ALK: variants seen among roughly 807,000 people sequenced by gnomAD.
ALK encodes ALK tyrosine kinase receptor.
In ALK, 74 loss-of-function variants were observed where a neutral mutation model predicts 163.1. The ratio of observed to expected loss-of-function variants is 0.45; its 90% CI spans 0.38 to 0.55. The LOEUF is 0.55. Among genes scored for constraint, ALK ranks in the 20% least tolerant of loss-of-function variants. ALK has a pLI of 0.00. For synonymous variants in ALK, 960 were observed against 843.2 expected, an observed-to-expected ratio of 1.14 and a Z score of -2.40; for missense variants, 2,063 against 2,105.3, an observed-to-expected ratio of 0.98 and a Z score of 0.39.
chr2:29,715,839 T>A (rs765547439), intron 2 of ALK, among the ~76,000 whole-genome samples: 6 of 152,204 alleles, frequency 3.9e-5, no homozygotes, highest in Non-Finnish European at 5.9e-5. Context: ...TTAAATAAAA[T>A]CAGGAAGTAA....
At chr2:29,272,039 C>A (rs993490169) in intron 11 of ALK, among the ~76,000 whole-genome samples, 1 of 152,176 alleles carries the variant, frequency 6.6e-6, no homozygotes. Context: ...GCCTGCTTGT[C>A]CCAATCTGGG....
At chr2:29,362,545 G>A (rs1194657495) in intron 5 of ALK, among the ~76,000 whole-genome samples, 1 of 152,170 alleles carries the variant, frequency 6.6e-6, no homozygotes, top group Non-Finnish European at 1.5e-5. Flanking sequence ...GTTTGGAGAG[G>A]TGTCATGGAG....
At chr2:29,535,578 G>A (rs539664031) in intron 3 of ALK, among the ~76,000 whole-genome samples, 4 of 152,216 alleles carry the variant, frequency 2.6e-5, no homozygotes, top group Non-Finnish European at 5.9e-5. Context: ...AGGCAGTACT[G>A]TGCCTGCTCA....
rs1265006535 is a variant in ALK, at chr2:29,694,980, C to T, written c.822G>A (p.Leu274=). 3.7e-6 allele frequency: 6 copies of T among 1,614,048 alleles called. No individual in the cohort carries two copies. The highest frequency in any genetic ancestry group is 5.1e-6 in the Non-Finnish European group (6 of 1,179,966). ...GGTCATGCAGTGGAGGGGAATACTC[C>T]AGCTCACAGGGGAAGTCAAAGCTGC... ...LECSFDFPCE[L]EYSPPLHDLR... Residue 274 remains leucine, a synonymous_variant, in exon 3 of 29, where the codon CTG becomes CTA. Transcript: ENST00000389048.
At chr2:29,593,116 G>A (rs1312452675) in intron 3 of ALK, among the ~76,000 whole-genome samples, 1 of 152,204 alleles carries the variant, frequency 6.6e-6, no homozygotes, top group Non-Finnish European at 1.5e-5. Context: ...TGGGCCTCAC[G>A]AGTTCAGACA....
chr2:29,235,856 CTTTTTTTTTTTTTTTTTTTTTT>C (rs569363324), intron 13 of ALK, among the ~76,000 whole-genome samples: 1 of 38,252 alleles, frequency 2.6e-5, no homozygotes, highest in South Asian at 2.1e-3. Flanking sequence ...CCAGGCTCGA[CTTTTTTTTTTTTTTTTTTTTTT>C]TTTTTTTTTT....
At chr2:29,466,061 C>T (rs1409387863) in intron 4 of ALK, among the ~76,000 whole-genome samples, 1 of 152,032 alleles carries the variant, frequency 6.6e-6, no homozygotes, top group Non-Finnish European at 1.5e-5. Context: ...CCCTAGAACA[C>T]CCACCAAAAT....
intron 4 of ALK, among the ~76,000 whole-genome samples, chr2:29,450,862 T>G (rs1041712908): frequency 6.6e-6 from 1 of 152,126 alleles, no homozygotes; most frequent in Non-Finnish European, 1.5e-5. Flanking sequence ...CTAATCATAG[T>G]GCATTCCTGT....
rs1419105123 is a variant in ALK at position 29,644,157 on chromosome 2, C to G, written c.952+50693G>C. On this transcript the variant is annotated intron_variant, in intron 3 of 28. Transcript: ENST00000389048. The stretch of plus-strand genomic sequence containing the variant: ...GCAAACTATCGCAAGGACAAAAAAC[C>G]AAACACCGCATATTCTCACTCATAG... Among the ~76,000 whole-genome samples the G allele has an allele frequency of 2.0e-5, 3 of 148,282 alleles. No individual in the cohort carries two copies. The Admixed American group carries it at 2.1e-4, about 10-fold the overall frequency.
chr2:29,849,514 T>C (rs1282495373), intron 1 of ALK, among the ~76,000 whole-genome samples: 5 of 152,178 alleles, frequency 3.3e-5, no homozygotes, highest in African/African-American at 9.7e-5. Flanking sequence ...AAGGGGAGGA[T>C]GTCACACCCC....
At chr2:29,736,823 C>T (rs1277333074) in intron 1 of ALK, among the ~76,000 whole-genome samples, 1 of 151,788 alleles carries the variant, frequency 6.6e-6, no homozygotes, top group South Asian at 2.1e-4. Flanking sequence ...GTAATTAAGC[C>T]GTATACAGGA....
At chr2:29,493,238 C>T (rs1486385548) in intron 4 of ALK, among the ~76,000 whole-genome samples, 2 of 152,114 alleles carry the variant, frequency 1.3e-5, no homozygotes, top group Non-Finnish European at 2.9e-5. Flanking sequence ...TGGCTATAGC[C>T]CATTGGATTT....
At chr2:29,278,610 C>T (rs1665605099) in intron 9 of ALK, among the ~76,000 whole-genome samples, 1 of 152,212 alleles carries the variant, frequency 6.6e-6, no homozygotes, top group African/African-American at 2.4e-5. Context: ...CTGGACAAAG[C>T]CCAAGCCTGG....
At chr2:29,530,409 A>G (rs1485007834) in intron 4 of ALK, among the ~76,000 whole-genome samples, 1 of 152,160 alleles carries the variant, frequency 6.6e-6, no homozygotes. Context: ...GGGTATTCTC[A>G]GACTCCAACT....
At chr2:29,643,813 G>C (rs1262677744) in intron 3 of ALK, among the ~76,000 whole-genome samples, 1 of 152,126 alleles carries the variant, frequency 6.6e-6, no homozygotes, top group Non-Finnish European at 1.5e-5. Flanking sequence ...CGGTAAACTA[G>C]TTCAACCATT....
intron 3 of ALK, among the ~76,000 whole-genome samples, chr2:29,573,912 T>G (rs1054294333): frequency 6.6e-6 from 1 of 152,184 alleles, no homozygotes; most frequent in East Asian, 1.9e-4. Flanking sequence ...AGAAAAGATC[T>G]CACTGATGAG....
intron 11 of ALK, among the ~76,000 whole-genome samples, chr2:29,252,117 A>G (rs567545225): frequency 1.3e-5 from 2 of 151,912 alleles, no homozygotes; most frequent in East Asian, 1.9e-4. Flanking sequence ...GTCCCACCCA[A>G]CGTCCCTAGG....
At chr2:29,403,284 G>T (rs781247906) in intron 4 of ALK, among the ~76,000 whole-genome samples, 34 of 152,230 alleles carry the variant, frequency 2.2e-4, no homozygotes, top group Non-Finnish European at 4.7e-4. Flanking sequence ...CTTCCAGATG[G>T]GCAAGACTTA....
intron 3 of ALK, among the ~76,000 whole-genome samples, chr2:29,619,423 G>A (rs972082113): frequency 1.3e-5 from 2 of 152,140 alleles, no homozygotes; most frequent in Admixed American, 6.5e-5. Context: ...CCTGTTCTTT[G>A]AGCGTGTGAG....
Sources: gnomAD v4.1 joint callset for allele counts (sites outside exome capture counted in the v4.1 genomes callset) on GRCh38, gnomAD v4.1.1 for gene constraint, MANE v1.5 for transcripts, NCBI Gene and HGNC (gene_info 2026-07-23, HGNC 2026-07-21) for gene names.